The following INSR variants were observed in gnomAD, a reference collection of about 807,000 sequenced individuals.
INSR encodes the protein IR.
In INSR, 67 loss-of-function variants were observed where a neutral mutation model predicts 142.6. That is an observed-to-expected ratio of 0.47 (90% CI 0.39 to 0.58). INSR has a LOEUF of 0.58. Ranked by LOEUF, INSR falls within the 20% of genes least tolerant of loss-of-function variation. The pLI is 0.00. For missense variants in INSR, 1,248 were observed against 1,833.2 expected, an observed-to-expected ratio of 0.68 and a Z score of 5.83; for synonymous variants, 756 against 743.1, an observed-to-expected ratio of 1.02 and a Z score of -0.28.
intron 2 of INSR, among the ~76,000 whole-genome samples, chr19:7,237,843 A>T (rs544324381): frequency 1.6e-4 from 25 of 151,846 alleles, no homozygotes; most frequent in Non-Finnish European, 2.9e-4. Context: ...AAATTAAATT[A>T]AATTAAATTA....
At chr19:7,247,814 A>G (rs1458727193) in intron 2 of INSR, among the ~76,000 whole-genome samples, 4 of 152,240 alleles carry the variant, frequency 2.6e-5, no homozygotes, top group Non-Finnish European at 5.9e-5. Context: ...GAGGTACCCA[A>G]TACAAGTTTT....
intron 2 of INSR, among the ~76,000 whole-genome samples, chr19:7,197,341 C>A (rs993535400): frequency 7.4e-6 from 1 of 135,270 alleles, no homozygotes; most frequent in African/African-American, 2.7e-5. Flanking sequence ...AGTGAGTAAG[C>A]GAGTGAGTGA....
At chr19:7,213,617 A>G (rs950438383) in intron 2 of INSR, among the ~76,000 whole-genome samples, 4 of 152,224 alleles carry the variant, frequency 2.6e-5, no homozygotes, top group Non-Finnish European at 5.9e-5. Context: ...CTAATTGTCT[A>G]CAAAGAAAAG....
rs1277505424 is a variant in INSR, at chr19:7,270,335, T to TCACACACACA, written c.101-2440_101-2439insTGTGTGTGTG. ...TTTCATTTCTCTCTCTCTCTCTCTC[T>TCACACACACA]CTCTCACACACACACACACACACAC... On this transcript the variant is annotated intron_variant, in intron 1 of 21. Coordinates refer to ENST00000302850, the MANE Select transcript of INSR (RefSeq NM_000208.4). 4.9e-3 allele frequency among the ~76,000 whole-genome samples: 404 copies of TCACACACACA among 83,206 alleles called. 1 individual carries two copies. The highest frequency in any genetic ancestry group is 0.013 in the Middle Eastern group (2 of 158). The allele number at this position is 83,206 out of a possible 152,430, so 54.6% of individuals were successfully genotyped here. A position where few individuals can be genotyped will look rare whatever the true frequency, so the allele number is the denominator to read the frequency against.
chr19:7,195,169 A>T (rs1376669196), intron 2 of INSR, among the ~76,000 whole-genome samples: 1 of 152,214 alleles, frequency 6.6e-6, no homozygotes, highest in African/African-American at 2.4e-5. Flanking sequence ...ATTTCTTCTT[A>T]AAAATTCTAG....
chr19:7,260,834 T>C (rs1466953765), intron 2 of INSR, among the ~76,000 whole-genome samples: 4 of 151,112 alleles, frequency 2.6e-5, no homozygotes, highest in South Asian at 2.1e-4. Context: ...GACCAGTCAA[T>C]GGTAAAACGA....
At position 7,132,148 on chromosome 19, in the gene INSR, G is replaced by A. The variant is rs1972800188; in HGVS notation, c.2842+10C>T. Reference sequence around the variant, plus strand: ...AGCCCCAGTCAGCTGAGGCTGCCATGGAGACTTACAATAGTCTGTCACGTA... The same window carrying A: ...AGCCCCAGTCAGCTGAGGCTGCCATAGAGACTTACAATAGTCTGTCACGTA... On this transcript the variant is annotated intron_variant, in intron 14 of 21. Transcript: ENST00000302850. 1 of 1,613,968 alleles carries A rather than the reference G, an allele frequency of 6.2e-7. No homozygotes were observed. Among genetic ancestry groups the A allele is most frequent in the African/African-American group, 1.3e-5 (1 of 74,954 alleles).
At chr19:7,218,776 C>A (rs773155513) in intron 2 of INSR, among the ~76,000 whole-genome samples, 3 of 152,182 alleles carry the variant, frequency 2.0e-5, no homozygotes, top group East Asian at 3.9e-4. Flanking sequence ...ACTCCTGACC[C>A]CAGGTGATCC....
At chr19:7,189,104 T>C (rs950530952) in intron 2 of INSR, among the ~76,000 whole-genome samples, 4 of 152,046 alleles carry the variant, frequency 2.6e-5, no homozygotes, top group Admixed American at 6.6e-5. Flanking sequence ...TGAAATTCAA[T>C]TGAAGGAAGC....
At chr19:7,148,115 T>C (rs915822733) in intron 11 of INSR, among the ~76,000 whole-genome samples, 2 of 152,160 alleles carry the variant, frequency 1.3e-5, no homozygotes, top group Non-Finnish European at 2.9e-5. Flanking sequence ...GGTTTCGCCA[T>C]GTTGCCCAGG....
At chr19:7,286,562 A>C (rs1175879238) in intron 1 of INSR, among the ~76,000 whole-genome samples, 1 of 150,278 alleles carries the variant, frequency 6.7e-6, no homozygotes, top group Non-Finnish European at 1.5e-5. Context: ...TAATTTTTAA[A>C]CTTTTTCTAG....
chr19:7,234,250 A>G (rs149199763), intron 2 of INSR, among the ~76,000 whole-genome samples: 1,636 of 152,086 alleles, frequency 0.011, 40 homozygotes, highest in African/African-American at 0.037. Context: ...TTTGTTGCCC[A>G]GGCTGGAGTG....
At chr19:7,219,278 G>A (rs1414145599) in intron 2 of INSR, among the ~76,000 whole-genome samples, 1 of 152,046 alleles carries the variant, frequency 6.6e-6, no homozygotes, top group Non-Finnish European at 1.5e-5. Flanking sequence ...CCTCCACACT[G>A]GCCTCTGAAG....
intron 1 of INSR, among the ~76,000 whole-genome samples, chr19:7,275,648 G>C (rs1968043363): frequency 6.6e-6 from 1 of 151,818 alleles, no homozygotes. Context: ...CGGGGTCGGG[G>C]GAGTGGCGCA....
At chr19:7,156,039 G>T (rs35259595) in intron 9 of INSR, among the ~76,000 whole-genome samples, 90,334 of 145,774 alleles carry the variant, frequency 0.62, 28,251 homozygotes, top group African/African-American at 0.69. Flanking sequence ...AGAGTAGAAT[G>T]CCATATGGAA....
intron 2 of INSR, among the ~76,000 whole-genome samples, chr19:7,223,731 G>A (rs1343426280): frequency 6.6e-6 from 1 of 152,136 alleles, no homozygotes; most frequent in Non-Finnish European, 1.5e-5. Flanking sequence ...CAGAGAGACT[G>A]TGGGTTCAAA....
chr19:7,252,491 A>G (rs1223086249), intron 2 of INSR, among the ~76,000 whole-genome samples: 1 of 152,162 alleles, frequency 6.6e-6, no homozygotes, highest in Non-Finnish European at 1.5e-5. Context: ...TTTGCAAATG[A>G]GGAAACTCTT....
chr19:7,250,458 GAAGAAAAGAAAGAAAGAAAAGA>G (rs962452275), intron 2 of INSR, among the ~76,000 whole-genome samples: 65 of 83,414 alleles, frequency 7.8e-4, no homozygotes, highest in African/African-American at 1.8e-3. Context: ...GAAAGAAAAG[GAAGAAAAGAAAGAAAGAAAAGA>G]AAGAGAAGGA....
chr19:7,227,920 G>A (rs75188351), intron 2 of INSR, among the ~76,000 whole-genome samples: 92 of 152,016 alleles, frequency 6.1e-4, no homozygotes, highest in African/African-American at 2.0e-3. Context: ...GTCTGAGACC[G>A]CGACCTTCAC....
Sources: gnomAD v4.1 joint callset for allele counts (sites outside exome capture counted in the v4.1 genomes callset) on GRCh38, gnomAD v4.1.1 for gene constraint, MANE v1.5 for transcripts, NCBI Gene and HGNC (gene_info 2026-07-23, HGNC 2026-07-21) for gene names.